The following BNC2 variants were observed in gnomAD, a reference collection of about 807,000 sequenced individuals.
The protein encoded by BNC2 is basonuclin zinc finger protein 2, also known as zinc finger protein basonuclin-2.
BNC2 carries 20 observed loss-of-function variants against 76.3 expected under a neutral mutation model. The observed-to-expected ratio is 0.26, with a 90% confidence interval of 0.18 to 0.38. The LOEUF (loss-of-function observed/expected upper bound fraction) is 0.38. BNC2 is among the 10% of genes least tolerant of loss of function. BNC2 has a pLI of 1.00. For synonymous variants in BNC2, 582 were observed against 514.8 expected, an observed-to-expected ratio of 1.13 and a Z score of -1.77; for missense variants, 1,382 against 1,399.8, an observed-to-expected ratio of 0.99 and a Z score of 0.20.
intron 4 of BNC2, among the ~76,000 whole-genome samples, chr9:16,554,313 TTCC>T (rs1818755695): frequency 6.6e-6 from 1 of 152,202 alleles, no homozygotes; most frequent in Non-Finnish European, 1.5e-5. Context: ...CCACTCTCAT[TTCC>T]TCCTGACTTG....
At chr9:16,804,625 A>G (rs1817859976) in intron 1 of BNC2, among the ~76,000 whole-genome samples, 1 of 152,220 alleles carries the variant, frequency 6.6e-6, no homozygotes, top group Non-Finnish European at 1.5e-5. Flanking sequence ...TTCCTTAAAA[A>G]CCAACTGGAA....
intron 5 of BNC2, among the ~76,000 whole-genome samples, chr9:16,503,560 G>T (rs1441814205): frequency 1.3e-5 from 2 of 152,050 alleles, no homozygotes; most frequent in East Asian, 3.8e-4. Context: ...TGAGAACTAG[G>T]TCTCTAATCA....
intron 5 of BNC2, among the ~76,000 whole-genome samples, chr9:16,544,094 TC>T (rs548574556): frequency 2.2e-4 from 33 of 152,254 alleles, no homozygotes; most frequent in Admixed American, 1.6e-3. Context: ...TATCAAATAA[TC>T]CCCCCTTTAT....
intron 5 of BNC2, among the ~76,000 whole-genome samples, chr9:16,512,905 G>T (rs1039297173): frequency 3.3e-5 from 5 of 151,888 alleles, no homozygotes; most frequent in Non-Finnish European, 5.9e-5. Flanking sequence ...GGAGGCTGAG[G>T]GGGGAAGATC....
rs1820423042 is a variant in BNC2, at chr9:16,409,824, T to G, written c.*9165A>C. 6.5e-6 allele frequency: 1 copy of G among 152,680 alleles called. No homozygotes were observed. The highest frequency in any genetic ancestry group is 2.4e-5 in the African/African-American group (1 of 41,456). The allele number at this position is 152,680 out of a possible 1,614,324, so 9.5% of individuals were successfully genotyped here. Reference sequence around the variant, plus strand: ...ATGATTAGATCAGGGTGATGCACACTGTCCCATCCCTTGGTGCAGTTACCT... The same window carrying G: ...ATGATTAGATCAGGGTGATGCACACGGTCCCATCCCTTGGTGCAGTTACCT... On this transcript the variant is annotated 3_prime_UTR_variant, in exon 7 of 7. Coordinates refer to ENST00000380672, the MANE Select transcript of BNC2 (RefSeq NM_017637.6).
chr9:16,523,934 TGGACAA>T (rs1817709257), intron 5 of BNC2, among the ~76,000 whole-genome samples: 1 of 152,220 alleles, frequency 6.6e-6, no homozygotes, highest in African/African-American at 2.4e-5. Context: ...CACTCCAGCC[TGGACAA>T]CAATTCCATC....
chr9:16,776,945 G>A (rs1825984419), intron 1 of BNC2, among the ~76,000 whole-genome samples: 2 of 152,068 alleles, frequency 1.3e-5, no homozygotes, highest in Non-Finnish European at 2.9e-5. Context: ...GGTCAACATG[G>A]CAAAACCCCA....
intron 1 of BNC2, among the ~76,000 whole-genome samples, chr9:16,786,782 A>G (rs901062842): frequency 5.3e-5 from 8 of 152,124 alleles, no homozygotes; most frequent in South Asian, 2.1e-4. Context: ...GCAAAACCAC[A>G]AAGAGTGGCA....
At chr9:16,863,048 G>A (rs557669342) in intron 1 of BNC2, among the ~76,000 whole-genome samples, 69 of 151,944 alleles carry the variant, frequency 4.5e-4, no homozygotes, top group Middle Eastern at 3.4e-3. Context: ...CCGAGTAGCT[G>A]GGATTATAGG....
At chr9:16,813,210 C>A (rs995172719) in intron 1 of BNC2, among the ~76,000 whole-genome samples, 1 of 151,896 alleles carries the variant, frequency 6.6e-6, no homozygotes, top group African/African-American at 2.4e-5. Flanking sequence ...AGAAGAAAAA[C>A]TCCTAAAGGT....
chr9:16,689,808 G>A (rs962788307), intron 3 of BNC2, among the ~76,000 whole-genome samples: 3 of 152,032 alleles, frequency 2.0e-5, no homozygotes, highest in Non-Finnish European at 2.9e-5. Flanking sequence ...AGCGGCAAGA[G>A]GAAAAATCAC....
intron 4 of BNC2, among the ~76,000 whole-genome samples, chr9:16,580,558 T>A (rs1819605126): frequency 6.6e-6 from 1 of 152,186 alleles, no homozygotes; most frequent in Admixed American, 6.5e-5. Context: ...TGGCCAGGAA[T>A]AATTTATGTT....
intron 5 of BNC2, among the ~76,000 whole-genome samples, chr9:16,525,078 G>GC (rs1346574921): frequency 7.3e-6 from 1 of 137,208 alleles, no homozygotes; most frequent in Non-Finnish European, 1.5e-5. Flanking sequence ...AGTGGGGGAG[G>GC]GGGGGGGAAG....
chr9:16,867,283 T>A (rs917957337), intron 1 of BNC2: 1 of 152,192 alleles, frequency 6.6e-6, no homozygotes, highest in Non-Finnish European at 1.5e-5. Context: ...ATGCTAATAG[T>A]ATAGAAAACA....
At chr9:16,570,817 G>A (rs927483820) in intron 4 of BNC2, among the ~76,000 whole-genome samples, 3 of 152,090 alleles carry the variant, frequency 2.0e-5, no homozygotes, top group South Asian at 2.1e-4. Context: ...TTGGCAAAAC[G>A]AAAGTATTTT....
intron 1 of BNC2, among the ~76,000 whole-genome samples, chr9:16,773,886 A>G (rs1245951899): frequency 1.3e-5 from 2 of 152,226 alleles, no homozygotes; most frequent in South Asian, 4.1e-4. Flanking sequence ...AACAAGTTGC[A>G]GATGGTATTA....
intron 5 of BNC2, among the ~76,000 whole-genome samples, chr9:16,513,945 T>C (rs367737688): frequency 6.6e-6 from 1 of 152,218 alleles, no homozygotes; most frequent in Admixed American, 6.5e-5. Context: ...TGAGATTAAA[T>C]GTTAGCTTCC....
At chr9:16,617,110 G>A (rs985905369) in intron 3 of BNC2, among the ~76,000 whole-genome samples, 2 of 152,156 alleles carry the variant, frequency 1.3e-5, no homozygotes, top group Admixed American at 1.3e-4. Flanking sequence ...TGAGAACACA[G>A]AAATTGATAT....
At chr9:16,709,027 C>CA (rs1346160175) in intron 3 of BNC2, among the ~76,000 whole-genome samples, 1 of 152,166 alleles carries the variant, frequency 6.6e-6, no homozygotes, top group Admixed American at 6.5e-5. Flanking sequence ...TTAAATTTAT[C>CA]AAAAACGCAC....
Sources: gnomAD v4.1 joint callset for allele counts (sites outside exome capture counted in the v4.1 genomes callset) on GRCh38, gnomAD v4.1.1 for gene constraint, MANE v1.5 for transcripts, NCBI Gene and HGNC (gene_info 2026-07-23, HGNC 2026-07-21) for gene names.